Variants in SERPINB1 observed in about 807,000 individuals in gnomAD.
The protein encoded by SERPINB1 is serpin family B member 1, also known as leukocyte elastase inhibitor.
Under a neutral mutation model 25.9 loss-of-function variants are expected in SERPINB1, and 23 were observed. The observed-to-expected ratio is 0.89, with a 90% confidence interval of 0.64 to 1.26. The LOEUF (loss-of-function observed/expected upper bound fraction) is 1.26, where lower values mean the gene tolerates loss of function less well. SERPINB1 is among the 50% of genes most tolerant of loss of function. The pLI is 0.00. For missense variants in SERPINB1, 399 were observed against 463.6 expected (o/e 0.86, Z 1.28); for synonymous variants, 178 against 178.7 (o/e 1.00, Z 0.03).
intron 3 of SERPINB1, among the ~76,000 whole-genome samples, 155 bp downstream of exon 3, chr6:2,838,394 G>A (rs1300803435): frequency 1.3e-5 from 2 of 152,136 alleles, no homozygotes; most frequent in Admixed American, 6.5e-5. Flanking sequence ...GCATTCTGTC[G>A]TGTTTGCCTT....
chr6:2,833,902 G>C lies in SERPINB1; in HGVS notation c.846C>G (p.Tyr282Ter), dbSNP rs748238528. The change falls in exon 7 of 7, where the codon TAC (tyrosine) becomes TAG (stop). Residue 282 changes from tyrosine to a stop codon, truncating the protein, a stop_gained. Coordinates refer to ENST00000380739, the MANE Select transcript of SERPINB1 (RefSeq NM_030666.4). LOFTEE classifies it low-confidence loss of function (END_TRUNC). ...GGCGGGCGAGGTCGGAGTTGAGAGT[G>C]TAACTCTCTTCCAGTTTGAACCTGG... ...SLPRFKLEES[Y>*]TLNSDLARLG... The C allele has an allele frequency of 6.2e-7, 1 of 1,614,176 alleles. No individual in the cohort carries two copies. The highest frequency in any genetic ancestry group is 8.5e-7 in the Non-Finnish European group (1 of 1,180,022).
In SERPINB1 at chr6:2,837,486, G is replaced by A. The variant is rs1334516692; in HGVS notation, c.424+396C>T. Among the ~76,000 whole-genome samples, 1 of 152,016 alleles carries A rather than the reference G, an allele frequency of 6.6e-6. No individual in the cohort carries two copies. Among genetic ancestry groups the A allele is most frequent in the Non-Finnish European group, 1.5e-5 (1 of 68,000 alleles). ...AGTAGAGACAGGGTTTCATCATGTT[G>A]GCCAAGCTGGTCTTGAACTCCTGAC... On this transcript the variant is annotated intron_variant, in intron 4 of 6. Transcript: ENST00000380739. The surrounding 1 kb of genome is among the most constrained non-coding windows in gnomAD (Gnocchi z 4.3).
rs1358860096 is a variant in SERPINB1, at chr6:2,838,091, C to T, written c.307-92G>A. 3.5e-6 allele frequency: 3 copies of T among 857,304 alleles called. No homozygotes were observed. The Admixed American group carries it at 7.7e-5, about 22-fold the overall frequency. 53.1% of individuals were successfully genotyped at this position (857,304 alleles called of 1,614,324 possible). On this transcript the variant is annotated intron_variant, in intron 3 of 6. Transcript: ENST00000380739. ...ATCCCAAAAAGCAACAGAAATTGTC[C>T]TAAAAGGCTACAATTCCATGTAACA... is the stretch of plus-strand genomic sequence containing the variant.
intron 3 of SERPINB1, 93 bp downstream of exon 3, chr6:2,838,455 AC>A (rs1766556127): frequency 8.3e-7 from 1 of 1,198,138 alleles, no homozygotes; most frequent in African/African-American, 1.6e-5. Context: ...CTGAAAGTTT[AC>A]AAATATTAAA....
rs531822581 is a variant in SERPINB1, at chr6:2,840,330, A to G, written c.168+89T>C. On this transcript the variant is annotated intron_variant, in intron 2 of 6. Coordinates refer to ENST00000380739, the MANE Select transcript of SERPINB1 (RefSeq NM_030666.4). Reference sequence around the variant, plus strand: ...AAATACAGTTCTGAAAACACAAGGTAAGAGCTCAAAGGCACAACCTTTCCA... The same window carrying G: ...AAATACAGTTCTGAAAACACAAGGTGAGAGCTCAAAGGCACAACCTTTCCA... 4.1e-6 allele frequency: 6 copies of G among 1,449,998 alleles called. No homozygotes were observed. The South Asian group carries it at 7.1e-5, about 17-fold the overall frequency. The allele number at this position is 1,449,998 out of a possible 1,614,324, so 89.8% of individuals were successfully genotyped here.
At chr6:2,838,053 ATTGT>A in intron 3 of SERPINB1, 54 bp from the exon 4 acceptor site, 1 of 1,235,556 alleles carries the variant, frequency 8.1e-7, no homozygotes, top group Non-Finnish European at 1.1e-6. Context: ...ACATATAGAA[ATTGT>A]TTTCTAAAAT....
chr6:2,834,106 G>T, intron 6 of SERPINB1, 94 bp from the exon 7 acceptor site: 1 of 1,172,312 alleles, frequency 8.5e-7, no homozygotes, highest in Non-Finnish European at 1.2e-6. Flanking sequence ...CATAATATCA[G>T]TTGCTAGTTA....
At position 2,840,560 on chromosome 6, in the gene SERPINB1, G is replaced by A; in HGVS notation, c.27C>T (p.Thr9=). The A allele has an allele frequency of 2.5e-6, 4 of 1,613,794 alleles. No individual in the cohort carries two copies. The highest frequency in any genetic ancestry group is 3.4e-6 in the Non-Finnish European group (4 of 1,179,908). Residue 9 remains threonine (T), a synonymous_variant, in exon 2 of 7, where the codon ACC becomes ACT. Coordinates refer to ENST00000380739, the MANE Select transcript of SERPINB1 (RefSeq NM_030666.4). ...CCAGGAACAGGTCCAAGGCGAAGCGGGTGTTTGCTGAGCTCAGCTGCTCCA... is the reference window on the plus strand; with the variant it reads ...CCAGGAACAGGTCCAAGGCGAAGCGAGTGTTTGCTGAGCTCAGCTGCTCCA... The part of the protein sequence containing the change: MEQLSSAN[T]RFALDLFLAL...
At chr6:2,834,946 T>A (rs757320032) in intron 6 of SERPINB1, among the ~76,000 whole-genome samples, 12 of 152,230 alleles carry the variant, frequency 7.9e-5, no homozygotes, top group Non-Finnish European at 1.5e-4. Flanking sequence ...AATAGAACCA[T>A]CACTCTACTT....
In SERPINB1 at chr6:2,833,932, G is replaced by A. The variant is rs1290006557; in HGVS notation, c.816C>T (p.Ser272=). The A allele has an allele frequency of 6.2e-7, 1 of 1,614,110 alleles. No homozygotes were observed. Among genetic ancestry groups the A allele is most frequent in the South Asian group, 1.1e-5 (1 of 91,070 alleles). The part of the protein sequence containing the change: ...ENLDFIEVNV[S]LPRFKLEESY... The stretch of plus-strand genomic sequence containing the variant: ...TCTCTTCCAGTTTGAACCTGGGCAA[G>A]CTGACATTAACTTCAATGAAATCGA... Residue 272 remains serine, a synonymous_variant, in exon 7 of 7, where the codon AGC becomes AGT. Transcript: ENST00000380739.
rs777906859 is a variant in SERPINB1 at position 2,838,696 on chromosome 6, A to G, written c.169-10T>C. On this transcript the variant is annotated splice_polypyrimidine_tract_variant and intron_variant, in intron 2 of 6. Coordinates refer to ENST00000380739, the MANE Select transcript of SERPINB1 (RefSeq NM_030666.4). The stretch of plus-strand genomic sequence containing the variant: ...TGTTGAAATGGAAAGTCTAAAATAA[A>G]GAAAATCTTCTTTCTACAACCATTT... The G allele has an allele frequency of 1.3e-6, 2 of 1,545,520 alleles. No individual in the cohort carries two copies. The highest frequency in any genetic ancestry group is 1.2e-5 in the South Asian group (1 of 80,234).
chr6:2,837,795 A>C lies in SERPINB1; in HGVS notation c.424+87T>G. The C allele has an allele frequency of 1.1e-6, 1 of 951,564 alleles. No individual in the cohort carries two copies. Among genetic ancestry groups the C allele is most frequent in the Non-Finnish European group, 1.7e-6 (1 of 585,894 alleles). 58.9% of individuals were successfully genotyped at this position (951,564 alleles called of 1,614,324 possible). On this transcript the variant is annotated intron_variant, in intron 4 of 6. Transcript: ENST00000380739. This position sits in a 1 kb window ranked among gnomAD's most constrained non-coding sequence, Gnocchi z 4.3. Reference sequence around the variant, plus strand: ...TGCGCCAGGACTGTGGGAGCTGGGGAGGGAATAACTGCAGGTAGGGAAGGC... The same window carrying C: ...TGCGCCAGGACTGTGGGAGCTGGGGCGGGAATAACTGCAGGTAGGGAAGGC...
Position 2,837,812 on chromosome 6 carries a change from A to G in SERPINB1, c.424+70T>C, listed in dbSNP as rs316339. The G allele has an allele frequency of 0.71, 801,134 of 1,132,200 alleles. 284,859 individuals are homozygous for G. The highest frequency in any genetic ancestry group is 0.81 in the Middle Eastern group (4,102 of 5,084). 70.1% of individuals were successfully genotyped at this position (1,132,200 alleles called of 1,614,324 possible). A position where few individuals can be genotyped will look rare whatever the true frequency, so the allele number is the denominator to read the frequency against. The stretch of plus-strand genomic sequence containing the variant: ...AGCTGGGGAGGGAATAACTGCAGGT[A>G]GGGAAGGCGGACTGAGGAAACGAAT... On this transcript the variant is annotated intron_variant, in intron 4 of 6. Coordinates refer to ENST00000380739, the MANE Select transcript of SERPINB1 (RefSeq NM_030666.4). This position sits in a 1 kb window ranked among gnomAD's most constrained non-coding sequence, Gnocchi z 4.3.
At chr6:2,838,873 G>T (rs949055395) in intron 2 of SERPINB1, among the ~76,000 whole-genome samples, 187 bp from the exon 3 acceptor site, 1 of 152,112 alleles carries the variant, frequency 6.6e-6, no homozygotes. Flanking sequence ...TTATGGCTTC[G>T]TGAGACAGAA....
At chr6:2,838,429 C>G (rs973218024) in intron 3 of SERPINB1, 120 bp downstream of exon 3, 7 of 960,962 alleles carry the variant, frequency 7.3e-6, no homozygotes, top group Middle Eastern at 2.8e-4. Context: ...CCATGTTTGC[C>G]TTCTGTATTG....
rs1052232950 is a variant in SERPINB1 at position 2,837,632 on chromosome 6, A to G, written c.424+250T>C. Among the ~76,000 whole-genome samples, 11 of 152,206 alleles carry G rather than the reference A, an allele frequency of 7.2e-5. No individual in the cohort carries two copies. The highest frequency in any genetic ancestry group is 2.7e-4 in the African/African-American group (11 of 41,444). ...CTTTAAAAGTTTTGGGGAGCTGATG[A>G]GAAAAAAGGATTTAGCTGCTTGAGT... On this transcript the variant is annotated intron_variant, in intron 4 of 6. Transcript: ENST00000380739. This position sits in a 1 kb window ranked among gnomAD's most constrained non-coding sequence, Gnocchi z 4.3.
rs57721448 is a variant in SERPINB1, at chr6:2,841,720, G to T, written c.-9+92C>A. 0.13 allele frequency: 19,732 copies of T among 151,960 alleles called. 1,549 individuals carry two copies. Among genetic ancestry groups the T allele is most frequent in the African/African-American group, 0.19 (7,901 of 41,232 alleles). The allele number at this position is 151,960 out of a possible 1,614,324, so 9.4% of individuals were successfully genotyped here. ...GCGGGTCTGAGGGGCCTGAGCCTGG[G>T]GGGTGGGGGGTGCCGGGCTGGAAGC... On this transcript the variant is annotated intron_variant, in intron 1 of 6. Transcript: ENST00000380739. This position sits in a 1 kb window ranked among gnomAD's most constrained non-coding sequence, Gnocchi z 4.5.
intron 6 of SERPINB1, among the ~76,000 whole-genome samples, chr6:2,835,350 G>T (rs1766454825): frequency 6.6e-6 from 1 of 152,314 alleles, no homozygotes; most frequent in South Asian, 2.1e-4. Flanking sequence ...ACGTGATGAA[G>T]ATATATGCTA....
chr6:2,833,462 C>A lies in SERPINB1; in HGVS notation c.*146G>T. The A allele has an allele frequency of 1.3e-6, 1 of 797,372 alleles. No individual in the cohort carries two copies. 49.4% of individuals were successfully genotyped at this position (797,372 alleles called of 1,614,324 possible). A position where few individuals can be genotyped will look rare whatever the true frequency, so the allele number is the denominator to read the frequency against. On this transcript the variant is annotated 3_prime_UTR_variant, in exon 7 of 7. Coordinates refer to ENST00000380739, the MANE Select transcript of SERPINB1 (RefSeq NM_030666.4). ...GCCAAAATTCATGGGTGTAAACAGC[C>A]AACAGAGCCAAACTTACAAAGAAAA... is the stretch of plus-strand genomic sequence containing the variant.
Sources: gnomAD v4.1 joint callset for allele counts (sites outside exome capture counted in the v4.1 genomes callset) on GRCh38, gnomAD v4.1.1 for gene constraint, Gnocchi (gnomAD v3.1) non-coding constraint, MANE v1.5 for transcripts, NCBI Gene and HGNC (gene_info 2026-07-23, HGNC 2026-07-21) for gene names.